Variants in GON4L observed in about 807,000 individuals in gnomAD.
GON4L encodes gon-4 like, also known as GON-4-like protein.
GON4L carries 87 observed loss-of-function variants against 211.8 expected under a neutral mutation model. The observed-to-expected ratio is 0.41, with a 90% CI of 0.35 to 0.49. GON4L has a LOEUF of 0.49. GON4L is among the 20% of genes least tolerant of loss of function. The pLI, the probability that GON4L is intolerant of heterozygous loss-of-function variation, is 0.15. For synonymous variants in GON4L, 875 were observed against 962.6 expected, an observed-to-expected ratio of 0.91 and a Z score of 1.68; for missense variants, 2,155 against 2,659.5, an observed-to-expected ratio of 0.81 and a Z score of 4.17.
intron 10 of GON4L, among the ~76,000 whole-genome samples, chr1:155,809,134 A>G (rs1232569351): frequency 6.6e-6 from 1 of 152,004 alleles, no homozygotes; most frequent in Admixed American, 6.6e-5. Flanking sequence ...GGCTGGTCTC[A>G]AACTCCTAGC....
intron 3 of GON4L, among the ~76,000 whole-genome samples, chr1:155,826,575 A>G (rs2102299395): frequency 6.6e-6 from 1 of 152,078 alleles, no homozygotes; most frequent in South Asian, 2.1e-4. Context: ...TCAAAAAAAA[A>G]AAAAAAAAAA....
downstream of GON4L, chr1:155,746,944 G>C: frequency 6.2e-7 from 1 of 1,601,566 alleles, no homozygotes; most frequent in Non-Finnish European, 8.5e-7. Context: ...AGGTAAACGG[G>C]GATTTTAATC....
rs181339556 is a variant in GON4L, at chr1:155,822,001, T to C, written c.888+285A>G. 1.3e-3 allele frequency among the ~76,000 whole-genome samples: 200 copies of C among 152,322 alleles called. 1 individual carries two copies. The highest frequency in any genetic ancestry group is 4.3e-3 in the African/African-American group (180 of 41,570). On this transcript the variant is annotated intron_variant, in intron 4 of 31. Coordinates refer to ENST00000368331, the MANE Select transcript of GON4L (RefSeq NM_001282860.2). Reference sequence around the variant, plus strand: ...AAACCCACTATGAACATTATCAACATTGAATCTACTAAACAATACAGTAAA... The same window carrying C: ...AAACCCACTATGAACATTATCAACACTGAATCTACTAAACAATACAGTAAA...
chr1:155,833,114 C>T (rs535183722), intron 2 of GON4L, among the ~76,000 whole-genome samples: 3 of 152,232 alleles, frequency 2.0e-5, no homozygotes, highest in African/African-American at 7.2e-5. Context: ...AGTGATATCA[C>T]AGATAATACT....
chr1:155,796,283 CTTTTTTT>C (rs368237326), intron 11 of GON4L, among the ~76,000 whole-genome samples: 4 of 142,884 alleles, frequency 2.8e-5, no homozygotes, highest in Non-Finnish European at 6.2e-5. Context: ...TTTCTTTTTT[CTTTTTTT>C]TTTTTGACAT....
At chr1:155,759,980 T>TG (rs1365944177) in intron 24 of GON4L, among the ~76,000 whole-genome samples, 14 of 146,800 alleles carry the variant, frequency 9.5e-5, no homozygotes, top group African/African-American at 1.7e-4. Context: ...TATATATATA[T>TG]ATGATATATA....
At chr1:155,762,008 G>T (rs1661857654) in intron 23 of GON4L, among the ~76,000 whole-genome samples, 182 bp downstream of exon 23, 1 of 152,184 alleles carries the variant, frequency 6.6e-6, no homozygotes, top group Non-Finnish European at 1.5e-5. Flanking sequence ...ACATACTTAT[G>T]ATTGAATTCT....
At chr1:155,820,379 T>C (rs1668624804) in intron 6 of GON4L, among the ~76,000 whole-genome samples, 1 of 152,234 alleles carries the variant, frequency 6.6e-6, no homozygotes, top group Non-Finnish European at 1.5e-5. Context: ...CTATTCCAAA[T>C]GGTTATCTAT....
At chr1:155,815,167 T>C (rs1668127177) in intron 8 of GON4L, among the ~76,000 whole-genome samples, 2 of 152,038 alleles carry the variant, frequency 1.3e-5, no homozygotes, top group South Asian at 4.1e-4. Flanking sequence ...TTACAAAGTG[T>C]AAGGCCTTGG....
chr1:155,834,837 C>T (rs1436662442), intron 2 of GON4L, among the ~76,000 whole-genome samples: 5 of 151,800 alleles, frequency 3.3e-5, no homozygotes, highest in East Asian at 1.9e-4. Context: ...CGCCTCTGCC[C>T]AGCTGCCCCT....
intron 14 of GON4L, among the ~76,000 whole-genome samples, chr1:155,782,950 C>T (rs1328810718): frequency 3.9e-5 from 6 of 152,136 alleles, no homozygotes; most frequent in East Asian, 1.9e-4. Context: ...TGAGCCACTG[C>T]GCCCAGCCTA....
chr1:155,820,811 T>C (rs1668662954), intron 5 of GON4L, among the ~76,000 whole-genome samples, 155 bp from the exon 6 acceptor site: 1 of 151,994 alleles, frequency 6.6e-6, no homozygotes, highest in Non-Finnish European at 1.5e-5. Flanking sequence ...TGAGACACCC[T>C]CCCTACAAAA....
chr1:155,811,665 G>A (rs373609654), intron 10 of GON4L, among the ~76,000 whole-genome samples: 1 of 142,012 alleles, frequency 7.0e-6, no homozygotes, highest in Admixed American at 7.6e-5. Flanking sequence ...GCTGAGGCAG[G>A]AGAATCGCTT....
downstream of GON4L, chr1:155,748,079 G>A: frequency 6.2e-7 from 1 of 1,609,004 alleles, no homozygotes; most frequent in South Asian, 1.1e-5. Context: ...GTGGGAGCCT[G>A]GGCCTGCGAC....
chr1:155,794,353 T>TAA lies in GON4L; in HGVS notation c.1747+696_1747+697insTT, dbSNP rs539074953. ...TCCCAAAGTGCTGGGATTACAGGCGTGAGCCACCATGCCCGCCCTTAAACC... is the reference window on the plus strand; with the variant it reads ...TCCCAAAGTGCTGGGATTACAGGCGTAAGAGCCACCATGCCCGCCCTTAAACC... On this transcript the variant is annotated intron_variant, in intron 12 of 31. Transcript: ENST00000368331. 1.9e-4 allele frequency among the ~76,000 whole-genome samples: 29 copies of TAA among 152,322 alleles called. No homozygotes were observed. In the East Asian group the frequency reaches 5.2e-3, roughly 27 times the overall value.
At position 155,821,522 on chromosome 1, in the gene GON4L, T is replaced by A. The variant is rs764307906; in HGVS notation, c.915A>T (p.Val305=). Reference sequence around the variant, plus strand: ...CACTGATGGCTGCTTTCATCATAGCTACCACGTGTTCATTTGTGATTACTT... The same window carrying A: ...CACTGATGGCTGCTTTCATCATAGCAACCACGTGTTCATTTGTGATTACTT... ...LHEVITNEHV[V]AMMKAAISET... The change falls in exon 5 of 32, where the codon GTA becomes GTT. Residue 305 remains valine, a synonymous_variant. Transcript: ENST00000368331. 2.5e-6 allele frequency: 4 copies of A among 1,605,744 alleles called. No individual in the cohort carries two copies. Among genetic ancestry groups the A allele is most frequent in the Non-Finnish European group, 3.4e-6 (4 of 1,172,574 alleles).
chr1:155,837,950 T>C (rs547868306), intron 2 of GON4L, among the ~76,000 whole-genome samples: 97 of 152,268 alleles, frequency 6.4e-4, no homozygotes, highest in African/African-American at 2.3e-3. Context: ...AATCCTTTGG[T>C]AAATAAAACT....
intron 2 of GON4L, among the ~76,000 whole-genome samples, chr1:155,830,014 G>T (rs1008858589): frequency 1.3e-5 from 2 of 151,604 alleles, no homozygotes; most frequent in Non-Finnish European, 2.9e-5. Flanking sequence ...ACGGTGGCAT[G>T]ATCTCAGCTC....
intron 2 of GON4L, among the ~76,000 whole-genome samples, chr1:155,850,332 C>T (rs940742950): frequency 1.3e-5 from 2 of 151,972 alleles, no homozygotes; most frequent in Middle Eastern, 3.2e-3. Flanking sequence ...ATATAATACA[C>T]ATACAAAAAA....
Sources: gnomAD v4.1 joint callset for allele counts (sites outside exome capture counted in the v4.1 genomes callset) on GRCh38, gnomAD v4.1.1 for gene constraint, MANE v1.5 for transcripts, NCBI Gene and HGNC (gene_info 2026-07-23, HGNC 2026-07-21) for gene names.